The following SPINT1 variants were observed in gnomAD, a reference collection of about 807,000 sequenced individuals.
SPINT1 encodes kunitz-type protease inhibitor 1.
In SPINT1, 38 loss-of-function variants were observed where a neutral mutation model predicts 53.7. The ratio of observed to expected loss-of-function variants is 0.71; its 90% CI spans 0.55 to 0.93. The LOEUF (loss-of-function observed/expected upper bound fraction) is 0.93. Ranked by LOEUF, SPINT1 falls within the 40% of genes least tolerant of loss-of-function variation. The pLI is 0.00. For synonymous variants in SPINT1, 283 were observed against 280.6 expected (o/e 1.01, Z -0.08); for missense variants, 645 against 692.9 (o/e 0.93, Z 0.78).
At chr15:40,852,432 C>G (rs750824040) in intron 2 of SPINT1, among the ~76,000 whole-genome samples, 5 of 152,170 alleles carry the variant, frequency 3.3e-5, no homozygotes, top group African/African-American at 4.8e-5. Context: ...ATTCAGCCCC[C>G]TACAGGCAGC....
rs1341986042 is a variant in SPINT1 at position 40,849,039 on chromosome 15, G to A, written c.475+4010G>A. ...GGGCGGGCGGATCACGAGGTCGGGA[G>A]ATTGAGACCATCCTGGCTAACACGG... is the stretch of plus-strand genomic sequence containing the variant. On this transcript the variant is annotated intron_variant, in intron 2 of 10. Transcript: ENST00000562057. Among the ~76,000 whole-genome samples the A allele has an allele frequency of 4.0e-5, 6 of 151,860 alleles. No homozygotes were observed. The South Asian group carries it at 6.2e-4, about 16-fold the overall frequency.
In SPINT1 at chr15:40,856,001, C is replaced by T. The variant is rs659232; in HGVS notation, c.1227C>T (p.Tyr409=). ...CCCGCTTTACCTATGGTGGTTGTTA[C>T]GGCAACAAGAACAACTTTGAGGAAG... ...HCARFTYGGC[Y]GNKNNFEEEQ... is the part of the protein sequence containing the mutation. The change falls in exon 9 of 11, where the codon TAC becomes TAT. Residue 409 remains tyrosine (Y), a synonymous_variant. Coordinates refer to ENST00000562057, the MANE Select transcript of SPINT1 (RefSeq NM_003710.4). 0.83 allele frequency: 1,341,348 copies of T among 1,614,074 alleles called. 559,067 individuals carry two copies. The highest frequency in any genetic ancestry group is 0.99 in the East Asian group (44,597 of 44,882).
intron 2 of SPINT1, among the ~76,000 whole-genome samples, chr15:40,847,551 C>T (rs948224868): frequency 6.6e-6 from 1 of 152,178 alleles, no homozygotes; most frequent in African/African-American, 2.4e-5. Flanking sequence ...CCCCACCTCT[C>T]CTCCTCCCCA....
In SPINT1 at chr15:40,853,555, G is replaced by A; in HGVS notation, c.670G>A (p.Val224Met). 1 of 1,614,086 alleles carries A rather than the reference G, an allele frequency of 6.2e-7. No individual in the cohort carries two copies. The highest frequency in any genetic ancestry group is 8.5e-7 in the Non-Finnish European group (1 of 1,179,980). The change falls in exon 4 of 11, where the codon GTG becomes ATG. Residue 224 changes from valine to methionine, a missense_variant. Coordinates refer to ENST00000562057, the MANE Select transcript of SPINT1 (RefSeq NM_003710.4). The part of the protein sequence containing the change: ...KEGTYLFQLT[V>M]TSSDHPEDTA... ...AGGCACCTACCTGTTCCAGCTGACA[G>A]TGACTAGCTCAGACCACCCAGAGGA...
chr15:40,854,102 C>A lies in SPINT1; in HGVS notation c.940+16C>A. 1 of 1,533,324 alleles carries A rather than the reference C, an allele frequency of 6.5e-7. No homozygotes were observed. Among genetic ancestry groups the A allele is most frequent in the Non-Finnish European group, 8.7e-7 (1 of 1,142,900 alleles). The allele number at this position is 1,533,324 out of a possible 1,614,324, so 95.0% of individuals were successfully genotyped here. A position where few individuals can be genotyped will look rare whatever the true frequency, so the allele number is the denominator to read the frequency against. On this transcript the variant is annotated intron_variant, in intron 6 of 10. Transcript: ENST00000562057. The stretch of plus-strand genomic sequence containing the variant: ...CGCCATCCAGGTGGGCTTTACTCCC[C>A]TCCCCATCCCCCATCCCCACCACAT...
At position 40,844,530 on chromosome 15, in the gene SPINT1, G is replaced by A; in HGVS notation, c.-25G>A. 6.2e-7 allele frequency: 1 copy of A among 1,608,714 alleles called. No homozygotes were observed. Among genetic ancestry groups the A allele is most frequent in the Non-Finnish European group, 8.5e-7 (1 of 1,177,728 alleles). On this transcript the variant is annotated 5_prime_UTR_variant, in exon 2 of 11. Coordinates refer to ENST00000562057, the MANE Select transcript of SPINT1 (RefSeq NM_003710.4). This position sits in a 1 kb window ranked among gnomAD's most constrained non-coding sequence, Gnocchi z 5.8. ...GGAACCCAGAGGCCCGCGCTCTGAA[G>A]GTGACCCCCCTGGGGAGGAAGGCGA...
Position 40,844,389 on chromosome 15 carries a change from G to A in SPINT1, c.-65-101G>A. 1 of 774,282 alleles carries A rather than the reference G, an allele frequency of 1.3e-6. No individual in the cohort carries two copies. Among genetic ancestry groups the A allele is most frequent in the Non-Finnish European group, 2.2e-6 (1 of 453,766 alleles). 48.0% of individuals were successfully genotyped at this position (774,282 alleles called of 1,614,324 possible). A position where few individuals can be genotyped will look rare whatever the true frequency, so the allele number is the denominator to read the frequency against. ...CCCTCTTCGATCCTGGGGTGCTCCGGTCCCTCCTCCCCGCCACTTCCTCCC... is the reference window on the plus strand; with the variant it reads ...CCCTCTTCGATCCTGGGGTGCTCCGATCCCTCCTCCCCGCCACTTCCTCCC... On this transcript the variant is annotated intron_variant, in intron 1 of 10. Coordinates refer to ENST00000562057, the MANE Select transcript of SPINT1 (RefSeq NM_003710.4). The surrounding 1 kb of genome is among the most constrained non-coding windows in gnomAD (Gnocchi z 5.8).
intron 3 of SPINT1, 105 bp downstream of exon 3, chr15:40,853,356 G>A: frequency 6.2e-7 from 1 of 1,600,272 alleles, no homozygotes; most frequent in Non-Finnish European, 8.5e-7. Context: ...GGATGGGGTG[G>A]AGAGAGGCTG....
In SPINT1 at chr15:40,844,089, G is replaced by A. The variant is rs1566850357; in HGVS notation, c.-163G>A. 2 of 431,286 alleles carry A rather than the reference G, an allele frequency of 4.6e-6. No homozygotes were observed. The highest frequency in any genetic ancestry group is 1.6e-5 in the South Asian group (1 of 62,348). The allele number at this position is 431,286 out of a possible 1,614,324, so 26.7% of individuals were successfully genotyped here. A position where few individuals can be genotyped will look rare whatever the true frequency, so the allele number is the denominator to read the frequency against. On this transcript the variant is annotated 5_prime_UTR_variant, in exon 1 of 11. Transcript: ENST00000562057. This position sits in a 1 kb window ranked among gnomAD's most constrained non-coding sequence, Gnocchi z 5.8. ...AGGGGGAGAAGGCGGCCGAGCCCCA[G>A]CTCTCCGAGCACCGGGTCGGAAGCC...
chr15:40,852,510 C>T (rs1215527979), intron 2 of SPINT1, among the ~76,000 whole-genome samples: 2 of 152,146 alleles, frequency 1.3e-5, no homozygotes, highest in African/African-American at 4.8e-5. Flanking sequence ...CAGACACAGG[C>T]ACTGTCAAGT....
chr15:40,849,029 G>A (rs1891377236), intron 2 of SPINT1, among the ~76,000 whole-genome samples: 1 of 151,566 alleles, frequency 6.6e-6, no homozygotes, highest in South Asian at 2.1e-4. Flanking sequence ...GGCGGATCAC[G>A]AGGTCGGGAG....
At chr15:40,856,389 C>T (rs1891643002) in intron 10 of SPINT1, 66 bp downstream of exon 10, 4 of 1,590,710 alleles carry the variant, frequency 2.5e-6, no homozygotes, top group Non-Finnish European at 3.5e-6. Flanking sequence ...TCAACTCCAC[C>T]TGTTGTGACA....
chr15:40,844,789 C>G lies in SPINT1; in HGVS notation c.235C>G (p.Pro79Ala), dbSNP rs746570646. Reference sequence around the variant, plus strand: ...CAACGGAGCTACCTTCCTGGAGTCCCCCACCGTGCGCCGGGGCTGGGACTG... The same window carrying G: ...CAACGGAGCTACCTTCCTGGAGTCCGCCACCGTGCGCCGGGGCTGGGACTG... ...VSNGATFLES[P>A]TVRRGWDCVR... The change falls in exon 2 of 11, where the codon CCC becomes GCC. Residue 79 changes from proline to alanine, a missense_variant. Coordinates refer to ENST00000562057, the MANE Select transcript of SPINT1 (RefSeq NM_003710.4). The surrounding 1 kb of genome is among the most constrained non-coding windows in gnomAD (Gnocchi z 5.8). 6.2e-7 allele frequency: 1 copy of G among 1,613,184 alleles called. No individual in the cohort carries two copies. Among genetic ancestry groups the G allele is most frequent in the Non-Finnish European group, 8.5e-7 (1 of 1,179,664 alleles).
chr15:40,853,999 A>G, intron 5 of SPINT1, 61 bp from the exon 6 acceptor site: 1 of 1,551,376 alleles, frequency 6.4e-7, no homozygotes, highest in Non-Finnish European at 8.8e-7. Context: ...ACCCACCCCA[A>G]TTATCTCATC....
intron 9 of SPINT1, 47 bp from the exon 10 acceptor site, chr15:40,856,227 GTC>G: frequency 6.2e-7 from 1 of 1,612,196 alleles, no homozygotes; most frequent in Non-Finnish European, 8.5e-7. Context: ...GAGCAGCTGA[GTC>G]TCTGAGCCCT....
At chr15:40,856,182 G>A (rs1456723963) in intron 9 of SPINT1, 94 bp from the exon 10 acceptor site, 2 of 1,595,262 alleles carry the variant, frequency 1.3e-6, no homozygotes, top group African/African-American at 2.7e-5. Flanking sequence ...AGTAGGAGTG[G>A]GAGAGGATGC....
At chr15:40,845,170 G>A (rs1240135013) in intron 2 of SPINT1, 141 bp downstream of exon 2, 3 of 719,914 alleles carry the variant, frequency 4.2e-6, no homozygotes, top group African/African-American at 3.7e-5. Flanking sequence ...TTTTTGCGAC[G>A]GAGTCTCGCT....
chr15:40,853,093 T>C lies in SPINT1; in HGVS notation c.476-31T>C, dbSNP rs544556664. ...AGAAGCCTGGTCCATCTAGTGAGAA[T>C]TGACCTTATCTCACTTTCTCTCCCC... On this transcript the variant is annotated intron_variant, in intron 2 of 10. Coordinates refer to ENST00000562057, the MANE Select transcript of SPINT1 (RefSeq NM_003710.4). 1.7e-5 allele frequency: 28 copies of C among 1,608,876 alleles called. No homozygotes were observed. In the South Asian group the frequency reaches 2.6e-4, roughly 15 times the overall value.
chr15:40,853,989 A>AC (rs2142013846), intron 5 of SPINT1, 71 bp from the exon 6 acceptor site: 1 of 726,996 alleles, frequency 1.4e-6, no homozygotes, highest in Non-Finnish European at 2.2e-6. Context: ...TCCCTTGCCC[A>AC]CCCACCCCAA....
Sources: allele counts gnomAD v4.1 joint callset (sites outside exome capture counted in the v4.1 genomes callset), GRCh38; gene constraint gnomAD v4.1.1; non-coding constraint Gnocchi (gnomAD v3.1); transcripts MANE v1.5; gene names NCBI Gene and HGNC (gene_info 2026-07-23, HGNC 2026-07-21).